HMMR: variants seen among roughly 807,000 people sequenced by gnomAD.
HMMR encodes the protein intracellular hyaluronic acid-binding protein.
A neutral mutation model predicts 101.0 loss-of-function variants in HMMR; 108 were observed. The ratio of observed to expected loss-of-function variants is 1.07; its 90% CI spans 0.92 to 1.25. The LOEUF (loss-of-function observed/expected upper bound fraction) is 1.25, where lower values mean the gene tolerates loss of function less well. Ranked by LOEUF, HMMR falls within the 50% of genes most tolerant of loss-of-function variation. The pLI is 0.00. For synonymous variants in HMMR, 296 were observed against 276.4 expected (o/e 1.07, Z -0.70); for missense variants, 813 against 788.7 (o/e 1.03, Z -0.37).
chr5:163,486,313 C>G (rs1294304334), intron 16 of HMMR, among the ~76,000 whole-genome samples: 3 of 152,070 alleles, frequency 2.0e-5, no homozygotes, highest in Non-Finnish European at 2.9e-5. Context: ...TTTCTTTCAA[C>G]AATGTTTTAT....
chr5:163,473,072 CTCTGTAGT>C, intron 7 of HMMR, 99 bp from the exon 8 acceptor site: 1 of 612,902 alleles, frequency 1.6e-6, no homozygotes, highest in Non-Finnish European at 3.0e-6. Context: ...AGAGTTAGGG[CTCTGTAGT>C]CAGCCTGCCT....
At chr5:163,475,834 A>G (rs1335447933) in intron 11 of HMMR, among the ~76,000 whole-genome samples, 162 bp downstream of exon 11, 1 of 152,234 alleles carries the variant, frequency 6.6e-6, no homozygotes, top group Non-Finnish European at 1.5e-5. Context: ...TAGTAGACAC[A>G]GAATGTGAAC....
intron 13 of HMMR, 83 bp from the exon 14 acceptor site, chr5:163,482,937 C>T (rs2113505853): frequency 2.2e-6 from 3 of 1,379,456 alleles, no homozygotes; most frequent in Non-Finnish European, 3.0e-6. Context: ...TGAAGAGTTC[C>T]TTGAGGTTTA....
intron 5 of HMMR, among the ~76,000 whole-genome samples, chr5:163,470,498 C>A (rs1195024707): frequency 1.3e-5 from 2 of 151,892 alleles, no homozygotes; most frequent in African/African-American, 4.8e-5. Flanking sequence ...TGGCGTACAC[C>A]CGTAATTCCA....
rs574408220 is a variant in HMMR, at chr5:163,465,122, T to C, written c.225+320T>C. 3.8e-5 allele frequency: 9 copies of C among 239,522 alleles called. No homozygotes were observed. In the East Asian group the frequency reaches 8.9e-4, roughly 24 times the overall value. 14.8% of individuals were successfully genotyped at this position (239,522 alleles called of 1,614,324 possible). ...TTAAGTACCACCATTTGAGTTGTTTTGTTTTTGTGTATTTGTTTGTGGGGA... is the reference window on the plus strand; with the variant it reads ...TTAAGTACCACCATTTGAGTTGTTTCGTTTTTGTGTATTTGTTTGTGGGGA... On this transcript the variant is annotated intron_variant, in intron 3 of 17. Transcript: ENST00000393915.
At chr5:163,484,370 G>T in intron 16 of HMMR, 125 bp downstream of exon 16, 2 of 562,288 alleles carry the variant, frequency 3.6e-6, no homozygotes, top group Non-Finnish European at 6.1e-6. Flanking sequence ...GGAAAATTGA[G>T]CTGTGATTTA....
Position 163,475,624 on chromosome 5 carries a change from C to A in HMMR, c.1220C>A (p.Ala407Glu), listed in dbSNP as rs1396973603. The A allele has an allele frequency of 6.2e-7, 1 of 1,612,292 alleles. No individual in the cohort carries two copies. Among genetic ancestry groups the A allele is most frequent in the African/African-American group, 1.3e-5 (1 of 74,862 alleles). The part of the protein sequence containing the change: ...ERLVKQLEEE[A>E]KSRAEELKLL... Reference sequence around the variant, plus strand: ...CTGGTCAAGCAATTGGAAGAGGAAGCAAAATCTAGAGCTGAAGAATTAAAA... The same window carrying A: ...CTGGTCAAGCAATTGGAAGAGGAAGAAAAATCTAGAGCTGAAGAATTAAAA... The change falls in exon 11 of 18, where the codon GCA (alanine) becomes GAA (glutamate). Residue 407 changes from alanine (A) to glutamate (E), a missense_variant. Physicochemically the swap from Ala to Glu is moderately radical, Grantham distance 107 (BLOSUM62 -1). Coordinates refer to ENST00000393915, the MANE Select transcript of HMMR (RefSeq NM_001142556.2).
chr5:163,472,053 TA>T (rs201476699), intron 7 of HMMR, among the ~76,000 whole-genome samples: 100 of 127,546 alleles, frequency 7.8e-4, no homozygotes, highest in Middle Eastern at 3.7e-3. Context: ...TATTATTATT[TA>T]TTTTTTTTTT....
intron 10 of HMMR, 85 bp from the exon 11 acceptor site, chr5:163,475,370 CCTT>C (rs1171527302): frequency 4.7e-6 from 3 of 642,998 alleles, no homozygotes; most frequent in Middle Eastern, 4.4e-4. Context: ...TAGGTTTCAT[CCTT>C]CTTTATCTGT....
chr5:163,483,428 T>G, intron 15 of HMMR, 61 bp downstream of exon 15: 1 of 916,832 alleles, frequency 1.1e-6, no homozygotes, highest in South Asian at 1.5e-5. Flanking sequence ...TGTTCCCTAT[T>G]ATAGTGAGGA....
chr5:163,472,054 ATTTTT>A (rs939053528), intron 7 of HMMR, among the ~76,000 whole-genome samples: 1 of 133,028 alleles, frequency 7.5e-6, no homozygotes, highest in Admixed American at 7.2e-5. Flanking sequence ...ATTATTATTT[ATTTTT>A]TTTTTTAGAG....
At chr5:163,485,156 G>T (rs67109938) in intron 16 of HMMR, among the ~76,000 whole-genome samples, 37,572 of 152,054 alleles carry the variant, frequency 0.25, 4,844 homozygotes, top group African/African-American at 0.27. Flanking sequence ...GAAATTGCCA[G>T]ATCATTTGAT....
chr5:163,483,291 C>T lies in HMMR; in HGVS notation c.1709C>T (p.Thr570Ile). Residue 570 changes from threonine (T) to isoleucine (I), a missense_variant, in exon 15 of 18, where the codon ACA (threonine) becomes ATA (isoleucine). Coordinates refer to ENST00000393915, the MANE Select transcript of HMMR (RefSeq NM_001142556.2). ...AGAAAAGCTGAAAAAGAAAATACAA[C>T]AGCAGAATTAACTGAAGAAATTAAC... is the stretch of plus-strand genomic sequence containing the variant. Reference protein sequence around the residue: ...EGRKAEKENTTAELTEEINKW... With the variant: ...EGRKAEKENTIAELTEEINKW... The T allele has an allele frequency of 6.2e-7, 1 of 1,608,852 alleles. No individual in the cohort carries two copies. The highest frequency in any genetic ancestry group is 8.5e-7 in the Non-Finnish European group (1 of 1,175,770).
rs942044050 is a variant in HMMR, at chr5:163,469,848, A to G, written c.462+19A>G. The stretch of plus-strand genomic sequence containing the variant: ...ATCTAAGGTATCTGAGCCTCATGAT[A>G]ATATTTACAATTGAATAAATATAAA... On this transcript the variant is annotated intron_variant, in intron 5 of 17. Coordinates refer to ENST00000393915, the MANE Select transcript of HMMR (RefSeq NM_001142556.2). 1.3e-6 allele frequency: 2 copies of G among 1,501,928 alleles called. No homozygotes were observed. The highest frequency in any genetic ancestry group is 2.3e-5 in the South Asian group (2 of 86,732). The allele number at this position is 1,501,928 out of a possible 1,614,324, so 93.0% of individuals were successfully genotyped here.
intron 10 of HMMR, among the ~76,000 whole-genome samples, chr5:163,474,874 A>G (rs532127595): frequency 9.2e-5 from 14 of 152,072 alleles, no homozygotes; most frequent in Non-Finnish European, 1.6e-4. Context: ...TGACCTGGAA[A>G]GATTTCAGCA....
chr5:163,483,853 T>G (rs1000751940), intron 15 of HMMR, among the ~76,000 whole-genome samples: 4 of 152,154 alleles, frequency 2.6e-5, no homozygotes, highest in African/African-American at 9.6e-5. Flanking sequence ...GCTGGCTTTT[T>G]TACCTTGTTT....
At chr5:163,486,222 G>A (rs1485807038) in intron 16 of HMMR, among the ~76,000 whole-genome samples, 1 of 152,112 alleles carries the variant, frequency 6.6e-6, no homozygotes, top group Non-Finnish European at 1.5e-5. Flanking sequence ...ATCAGTTTGG[G>A]ACATATTATT....
At chr5:163,484,015 C>A in intron 15 of HMMR, 54 bp from the exon 16 acceptor site, 1 of 1,039,428 alleles carries the variant, frequency 9.6e-7, no homozygotes, top group Non-Finnish European at 1.4e-6. Flanking sequence ...TTATATGAAA[C>A]TAGTAAGATC....
intron 16 of HMMR, among the ~76,000 whole-genome samples, chr5:163,488,003 G>A (rs1759537791): frequency 6.6e-6 from 1 of 151,946 alleles, no homozygotes; most frequent in Non-Finnish European, 1.5e-5. Flanking sequence ...CTACAGGCGT[G>A]CGCCACCACA....
Sources: allele counts gnomAD v4.1 joint callset (sites outside exome capture counted in the v4.1 genomes callset), GRCh38; gene constraint gnomAD v4.1.1; transcripts MANE v1.5; gene names NCBI Gene and HGNC (gene_info 2026-07-23, HGNC 2026-07-21).